Variants in ATL2 observed in about 807,000 individuals in gnomAD.
The protein encoded by ATL2 is atlastin-2.
Under a neutral mutation model 73.9 loss-of-function variants are expected in ATL2, and 31 were observed. The ratio of observed to expected loss-of-function variants is 0.42; its 90% CI spans 0.32 to 0.57. The LOEUF is 0.57. ATL2 is among the 20% of genes least tolerant of loss of function. The pLI is 0.14. For synonymous variants in ATL2, 291 were observed against 237.5 expected (o/e 1.23, Z -2.07); for missense variants, 738 against 702.6 (o/e 1.05, Z -0.57).
intron 1 of ATL2, among the ~76,000 whole-genome samples, chr2:38,355,004 C>G (rs560093571): frequency 6.6e-6 from 1 of 152,154 alleles, no homozygotes; most frequent in Non-Finnish European, 1.5e-5. Context: ...ATGAAAAACA[C>G]GCAAGATGGC....
intron 1 of ATL2, among the ~76,000 whole-genome samples, chr2:38,375,167 C>T (rs930312836): frequency 2.0e-5 from 3 of 152,180 alleles, no homozygotes; most frequent in Admixed American, 6.5e-5. Flanking sequence ...TTGACCCCAA[C>T]TTGGTTTTTG....
At chr2:38,366,097 G>GA (rs376873019) in intron 1 of ATL2, among the ~76,000 whole-genome samples, 1,684 of 101,962 alleles carry the variant, frequency 0.017, 18 homozygotes, top group East Asian at 0.083. Context: ...TGACTAATTT[G>GA]AAAAAAAAAA....
chr2:38,353,956 G>A, intron 1 of ATL2: 1 of 192,256 alleles, frequency 5.2e-6, no homozygotes, highest in Non-Finnish European at 1.1e-5. Context: ...ACTTTGGGCG[G>A]CCAAGGTGGG....
intron 9 of ATL2, among the ~76,000 whole-genome samples, chr2:38,300,727 T>G (rs1157063655): frequency 6.6e-6 from 1 of 152,108 alleles, no homozygotes; most frequent in Non-Finnish European, 1.5e-5. Context: ...CACAGCTTAC[T>G]GCAACCTCGA....
intron 1 of ATL2, among the ~76,000 whole-genome samples, chr2:38,372,792 T>C (rs964813891): frequency 6.6e-5 from 10 of 152,198 alleles, no homozygotes; most frequent in African/African-American, 9.6e-5. Context: ...TCCGACAGAA[T>C]ATTTGGCAGT....
Position 38,294,930 on chromosome 2 carries a change from A to G in ATL2, c.*1064T>C, listed in dbSNP as rs1445239316. 1 of 150,144 alleles carries G rather than the reference A, an allele frequency of 6.7e-6. No individual in the cohort carries two copies. Among genetic ancestry groups the G allele is most frequent in the Admixed American group, 6.6e-5 (1 of 15,040 alleles). The allele number at this position is 150,144 out of a possible 1,614,324, so 9.3% of individuals were successfully genotyped here. ...TTTAATTATGTACTGAAAATAAATT[A>G]CAGGAAATAACTTTAAAATGCAACA... On this transcript the variant is annotated 3_prime_UTR_variant, in exon 13 of 13. Coordinates refer to ENST00000378954, the MANE Select transcript of ATL2 (RefSeq NM_001135673.4).
At chr2:38,332,213 CTT>C (rs201940894) in intron 2 of ATL2, among the ~76,000 whole-genome samples, 1 of 152,070 alleles carries the variant, frequency 6.6e-6, no homozygotes, top group African/African-American at 2.4e-5. Flanking sequence ...ATGATGGAAA[CTT>C]TGTTTCTTTT....
chr2:38,315,204 T>C (rs1439322831), intron 5 of ATL2, 80 bp downstream of exon 5: 12 of 1,306,824 alleles, frequency 9.2e-6, no homozygotes, highest in Admixed American at 4.2e-5. Flanking sequence ...TGAACCAAGA[T>C]TGTGCCACCG....
At position 38,295,825 on chromosome 2, in the gene ATL2, G is replaced by T; in HGVS notation, c.*169C>A. On this transcript the variant is annotated 3_prime_UTR_variant, in exon 13 of 13. Transcript: ENST00000378954. The stretch of plus-strand genomic sequence containing the variant: ...ATGTCTTAGGAGCCATTAAAAGAAT[G>T]CTTAAAACTAACAAACAATCTTCAC... 1.8e-6 allele frequency: 1 copy of T among 570,502 alleles called. No homozygotes were observed. Among genetic ancestry groups the T allele is most frequent in the Non-Finnish European group, 3.0e-6 (1 of 330,990 alleles). 35.3% of individuals were successfully genotyped at this position (570,502 alleles called of 1,614,324 possible).
At chr2:38,319,352 A>C (rs1414008339) in intron 2 of ATL2, among the ~76,000 whole-genome samples, 1 of 152,208 alleles carries the variant, frequency 6.6e-6, no homozygotes, top group Non-Finnish European at 1.5e-5. Context: ...TAATCCCAGC[A>C]CTTTGGGAGG....
At chr2:38,345,841 T>C (rs1449544635) in intron 1 of ATL2, among the ~76,000 whole-genome samples, 3 of 152,184 alleles carry the variant, frequency 2.0e-5, no homozygotes, top group Non-Finnish European at 2.9e-5. Context: ...TCTGCACCTG[T>C]TTTCTCATCT....
At chr2:38,358,724 A>T (rs1447229005) in intron 1 of ATL2, 2 of 163,634 alleles carry the variant, frequency 1.2e-5, no homozygotes, top group East Asian at 1.9e-4. Context: ...AAACGTTAAC[A>T]TGATATACGG....
At chr2:38,366,147 CCTT>C (rs1671319900) in intron 1 of ATL2, among the ~76,000 whole-genome samples, 2 of 151,136 alleles carry the variant, frequency 1.3e-5, no homozygotes, top group South Asian at 4.2e-4. Flanking sequence ...ACTATACTCT[CCTT>C]TTGTCCCCTC....
chr2:38,301,213 G>A lies in ATL2; in HGVS notation c.1072-885C>T, dbSNP rs895954100. ...TCGAACTCCCGACCTCAGGTGATTC[G>A]CCCACTTTAGCCTCCCAAAGTGCTG... On this transcript the variant is annotated intron_variant, in intron 9 of 12. Coordinates refer to ENST00000378954, the MANE Select transcript of ATL2 (RefSeq NM_001135673.4). 2.5e-4 allele frequency among the ~76,000 whole-genome samples: 38 copies of A among 151,942 alleles called. 1 individual carries two copies. Among genetic ancestry groups the A allele is most frequent in the African/African-American group, 8.5e-4 (35 of 41,362 alleles).
At chr2:38,301,111 C>T (rs576006006) in intron 9 of ATL2, among the ~76,000 whole-genome samples, 3 of 152,092 alleles carry the variant, frequency 2.0e-5, no homozygotes, top group Admixed American at 6.5e-5. Flanking sequence ...GCTGGGATTA[C>T]AGGCATGCGC....
chr2:38,357,784 T>A (rs1396726692), intron 1 of ATL2, among the ~76,000 whole-genome samples: 2 of 151,976 alleles, frequency 1.3e-5, no homozygotes. Flanking sequence ...TCAAGATACA[T>A]GACAACATTC....
At chr2:38,362,035 T>A (rs1188613937) in intron 1 of ATL2, among the ~76,000 whole-genome samples, 1 of 152,210 alleles carries the variant, frequency 6.6e-6, no homozygotes, top group Non-Finnish European at 1.5e-5. Context: ...GATACAGCCA[T>A]AGAAAGGAGA....
At chr2:38,371,269 G>C (rs1306098294) in intron 1 of ATL2, among the ~76,000 whole-genome samples, 1 of 151,370 alleles carries the variant, frequency 6.6e-6, no homozygotes, top group African/African-American at 2.4e-5. Context: ...ACACTTGGGA[G>C]GCAGAGATGG....
At chr2:38,335,155 T>C (rs1358034708) in intron 2 of ATL2, among the ~76,000 whole-genome samples, 1 of 151,536 alleles carries the variant, frequency 6.6e-6, no homozygotes, top group Non-Finnish European at 1.5e-5. Context: ...AAGTGTAAAA[T>C]TAATGAAACC....
Sources: allele counts gnomAD v4.1 joint callset (sites outside exome capture counted in the v4.1 genomes callset), GRCh38; gene constraint gnomAD v4.1.1; transcripts MANE v1.5; gene names NCBI Gene and HGNC (gene_info 2026-07-23, HGNC 2026-07-21).